Variants in PRSS23 observed in about 807,000 individuals in gnomAD.
PRSS23 encodes the protein protease, serine 23.
In PRSS23, 25 loss-of-function variants were observed where a neutral mutation model predicts 34.7. The observed-to-expected ratio is 0.72, with a 90% CI of 0.53 to 1.01. The LOEUF is 1.01. Ranked by LOEUF, PRSS23 falls within the 50% of genes least tolerant of loss-of-function variation. PRSS23 has a pLI of 0.00. For missense variants in PRSS23, 445 were observed against 475.6 expected (o/e 0.94, Z 0.60); for synonymous variants, 176 against 186.6 (o/e 0.94, Z 0.46).
At chr11:86,815,824 C>T (rs1948211718), downstream of PRSS23, among the ~76,000 whole-genome samples, 1 of 152,136 alleles carries the variant, frequency 6.6e-6, no homozygotes, top group Non-Finnish European at 1.5e-5. Flanking sequence ...CTGTGCTATC[C>T]ATCACCTCCT....
chr11:86,873,493 G>C (rs1464473742), intron 2 of PRSS23, among the ~76,000 whole-genome samples: 1 of 151,636 alleles, frequency 6.6e-6, no homozygotes, highest in African/African-American at 2.4e-5. Flanking sequence ...ATGTTGGCCA[G>C]GCTGGTCTCG....
At chr11:86,888,305 A>G (rs1385750768) in intron 2 of PRSS23, among the ~76,000 whole-genome samples, 1 of 152,186 alleles carries the variant, frequency 6.6e-6, no homozygotes, top group Non-Finnish European at 1.5e-5. Flanking sequence ...GAAAGAACAC[A>G]TGCTATTGTT....
chr11:86,865,418 T>C (rs1027757153), intron 2 of PRSS23, among the ~76,000 whole-genome samples: 1 of 152,230 alleles, frequency 6.6e-6, no homozygotes, highest in Non-Finnish European at 1.5e-5. Flanking sequence ...CTATCATCAC[T>C]GTCACTCTGA....
At chr11:86,923,617 T>C (rs1327868786) in intron 2 of PRSS23, among the ~76,000 whole-genome samples, 1 of 152,230 alleles carries the variant, frequency 6.6e-6, no homozygotes, top group African/African-American at 2.4e-5. Flanking sequence ...TCCAGTATTC[T>C]ATGATCATAT....
chr11:86,860,505 A>AG (rs1948605816), intron 2 of PRSS23, among the ~76,000 whole-genome samples: 1 of 149,508 alleles, frequency 6.7e-6, no homozygotes, highest in Admixed American at 6.6e-5. Flanking sequence ...CCAATATCAC[A>AG]AGGGTTGTAC....
At chr11:86,802,015 G>A (rs1046557583) in intron 1 of PRSS23, among the ~76,000 whole-genome samples, 6 of 152,102 alleles carry the variant, frequency 3.9e-5, no homozygotes, top group Non-Finnish European at 7.4e-5. Context: ...TGGTTAACAT[G>A]GATGCATTTT....
chr11:86,885,638 A>G (rs1948797722), intron 2 of PRSS23, among the ~76,000 whole-genome samples: 1 of 152,234 alleles, frequency 6.6e-6, no homozygotes, highest in African/African-American at 2.4e-5. Context: ...TTGAACTGCA[A>G]CATTAGTTCT....
intron 2 of PRSS23, among the ~76,000 whole-genome samples, chr11:86,885,613 A>G (rs1349158871): frequency 7.9e-5 from 12 of 152,252 alleles, no homozygotes. Context: ...TTCTGCCAGC[A>G]GGCATCCTTC....
downstream of PRSS23, among the ~76,000 whole-genome samples, chr11:86,812,596 C>T (rs1363866520): frequency 6.6e-6 from 1 of 151,424 alleles, no homozygotes; most frequent in African/African-American, 2.4e-5. Context: ...CAGACCAGCC[C>T]TGCTAACATG....
chr11:86,824,597 T>C (rs1948284195), intron 2 of PRSS23, among the ~76,000 whole-genome samples: 1 of 150,260 alleles, frequency 6.7e-6, no homozygotes, highest in African/African-American at 2.4e-5. Context: ...TCATTTAGCA[T>C]TAGGTATATC....
rs1948126210 is a variant in PRSS23, at chr11:86,808,069, G to A, written c.426G>A (p.Lys142=). The change falls in exon 2 of 2, where the codon AAG becomes AAA. Residue 142 remains lysine, a synonymous_variant. Coordinates refer to ENST00000280258, the MANE Select transcript of PRSS23 (RefSeq NM_007173.6). Reference sequence around the variant, plus strand: ...ACAGCAGGTTCAGCATTTTTGGGAAGGACTTCCTGCTCAACTACCCTTTCT... The same window carrying A: ...ACAGCAGGTTCAGCATTTTTGGGAAAGACTTCCTGCTCAACTACCCTTTCT... The part of the protein sequence containing the change: ...GYDSRFSIFG[K]DFLLNYPFST... 2.5e-6 allele frequency: 4 copies of A among 1,613,960 alleles called. No homozygotes were observed. The highest frequency in any genetic ancestry group is 3.4e-6 in the Non-Finnish European group (4 of 1,180,034).
At chr11:86,843,957 A>T (rs537276929) in intron 2 of PRSS23, among the ~76,000 whole-genome samples, 1 of 152,356 alleles carries the variant, frequency 6.6e-6, no homozygotes, top group Non-Finnish European at 1.5e-5. Flanking sequence ...ATAAAGACAC[A>T]TGCCCACGAA....
chr11:86,906,340 C>T (rs1181472028), intron 2 of PRSS23, among the ~76,000 whole-genome samples: 2 of 151,020 alleles, frequency 1.3e-5, no homozygotes, highest in African/African-American at 2.4e-5. Context: ...CTCTCAAAGG[C>T]CCCCACCAGC....
chr11:86,808,438 G>A lies in PRSS23; in HGVS notation c.795G>A (p.Val265=), dbSNP rs1265794351. The A allele has an allele frequency of 6.2e-6, 10 of 1,614,104 alleles. No homozygotes were observed. Among genetic ancestry groups the A allele is most frequent in the African/African-American group, 2.7e-5 (2 of 74,948 alleles). ...AGAGAAAATTTATGAAGATTGGGGT[G>A]AGCCCTCCTGCTAAGCAGCTGCCAG... ...PHKRKFMKIG[V]SPPAKQLPGG... is the part of the protein sequence containing the mutation. Residue 265 remains valine (V), a synonymous_variant, in exon 2 of 2, where the codon GTG becomes GTA. Coordinates refer to ENST00000280258, the MANE Select transcript of PRSS23 (RefSeq NM_007173.6).
intron 2 of PRSS23, among the ~76,000 whole-genome samples, chr11:86,938,405 G>A (rs112250672): frequency 1.1e-4 from 17 of 152,278 alleles, no homozygotes; most frequent in African/African-American, 3.9e-4. Context: ...CTTACTCAGG[G>A]ACTTGAAGAA....
chr11:86,922,049 T>A (rs1949050465), intron 2 of PRSS23: 1 of 152,188 alleles, frequency 6.6e-6, no homozygotes, highest in Non-Finnish European at 1.5e-5. Flanking sequence ...TAGAATATCC[T>A]CATCTTTCCT....
At chr11:86,902,910 A>G (rs1368594710) in intron 2 of PRSS23, among the ~76,000 whole-genome samples, 1 of 152,140 alleles carries the variant, frequency 6.6e-6, no homozygotes, top group Non-Finnish European at 1.5e-5. Flanking sequence ...TGAGTCTACC[A>G]CTAAGTAGCA....
In PRSS23 at chr11:86,929,342, A is replaced by G. The variant is rs1328320701; in HGVS notation, c.207-21874A>G. On this transcript the variant is annotated intron_variant, in intron 2 of 2. Coordinates refer to the PRSS23 transcript ENST00000533902. ...CGTCTCAAAAAAAAAAAACAAAAAA[A>G]AAAACCCCACAAACTCAAGGCCGGG... 2.6e-5 allele frequency among the ~76,000 whole-genome samples: 4 copies of G among 151,376 alleles called. No individual in the cohort carries two copies. In the South Asian group the frequency reaches 8.4e-4, roughly 32 times the overall value.
intron 2 of PRSS23, chr11:86,939,126 C>G (rs370192034): frequency 5.1e-6 from 2 of 395,204 alleles, no homozygotes; most frequent in African/African-American, 4.2e-5. Context: ...GCCAGAAACA[C>G]GTAAGGGAAA....
Sources: allele counts gnomAD v4.1 joint callset (sites outside exome capture counted in the v4.1 genomes callset), GRCh38; gene constraint gnomAD v4.1.1; transcripts MANE v1.5; gene names NCBI Gene and HGNC (gene_info 2026-07-23, HGNC 2026-07-21).